Variants in ATP2A2 observed in about 807,000 individuals in gnomAD.
ATP2A2 encodes ATPase sarcoplasmic/endoplasmic reticulum Ca2+ transporting 2.
A neutral mutation model predicts 109.3 loss-of-function variants in ATP2A2; 14 were observed. That is an observed-to-expected ratio of 0.13 (90% CI 0.08 to 0.20). ATP2A2 has a LOEUF of 0.20. Ranked by LOEUF, ATP2A2 falls within the 10% of genes least tolerant of loss-of-function variation. The pLI is 1.00. For missense variants in ATP2A2, 657 were observed against 1,321.6 expected (o/e 0.50, Z 7.80); for synonymous variants, 506 against 490.9 (o/e 1.03, Z -0.41).
chr12:110,306,584 A>T (rs972964308), intron 5 of ATP2A2, among the ~76,000 whole-genome samples: 1 of 152,042 alleles, frequency 6.6e-6, no homozygotes, highest in African/African-American at 2.4e-5. Context: ...CTCAGTGTTT[A>T]GCTCCTACTT....
At chr12:110,326,138 G>A (rs946554246) in intron 6 of ATP2A2, 7 of 531,298 alleles carry the variant, frequency 1.3e-5, no homozygotes, top group Non-Finnish European at 2.4e-5. Flanking sequence ...TAATCAATGG[G>A]GATTCTACTT....
intron 5 of ATP2A2, among the ~76,000 whole-genome samples, chr12:110,314,723 A>T (rs141446161): frequency 6.6e-6 from 1 of 152,324 alleles, no homozygotes; most frequent in East Asian, 1.9e-4. Flanking sequence ...TGGTCTAGAA[A>T]TAATAGTCTC....
chr12:110,348,218 T>TC lies in ATP2A2; in HGVS notation c.*1749dup, dbSNP rs1279710641. On this transcript the variant is annotated 3_prime_UTR_variant, in exon 20 of 20. Coordinates refer to ENST00000539276, the MANE Select transcript of ATP2A2 (RefSeq NM_170665.4). ...AAAGCAAGTAACTGAACCAGTGAAC[T>TC]CTGGGTATCGATAGGTTCGTCTTAA... The TC allele has an allele frequency of 1.0e-6, 1 of 985,268 alleles. No homozygotes were observed. The highest frequency in any genetic ancestry group is 1.2e-6 in the Non-Finnish European group (1 of 829,950). 61.0% of individuals were successfully genotyped at this position (985,268 alleles called of 1,614,324 possible). A position where few individuals can be genotyped will look rare whatever the true frequency, so the allele number is the denominator to read the frequency against.
rs957059328 is a variant in ATP2A2 at position 110,308,874 on chromosome 12, A to G, written c.463+12137A>G. On this transcript the variant is annotated intron_variant, in intron 5 of 19. Transcript: ENST00000539276. ...GAAATTGGATGTGAAGGGGTTTTTC[A>G]GATGTGTTGGAAAACTGGAGAGTGT... 7.9e-5 allele frequency among the ~76,000 whole-genome samples: 12 copies of G among 152,180 alleles called. No homozygotes were observed. In the South Asian group the frequency reaches 8.3e-4, roughly 11 times the overall value.
Position 110,347,762 on chromosome 12 carries a change from T to C in ATP2A2, c.*1292T>C. 9.4e-7 allele frequency: 1 copy of C among 1,064,952 alleles called. No individual in the cohort carries two copies. Among genetic ancestry groups the C allele is most frequent in the Non-Finnish European group, 1.1e-6 (1 of 876,400 alleles). The allele number at this position is 1,064,952 out of a possible 1,614,324, so 66.0% of individuals were successfully genotyped here. ...AACAGTCCTAACTGTGGTGTTTTCC[T>C]CCAATGCCTTCCAACATCCATCAAC... On this transcript the variant is annotated 3_prime_UTR_variant, in exon 20 of 20. Transcript: ENST00000539276.
At chr12:110,318,554 A>G (rs1280470993) in intron 5 of ATP2A2, among the ~76,000 whole-genome samples, 4 of 151,876 alleles carry the variant, frequency 2.6e-5, no homozygotes, top group Non-Finnish European at 5.9e-5. Flanking sequence ...GCTCACTGCA[A>G]CCTCCGCCTC....
intron 6 of ATP2A2, among the ~76,000 whole-genome samples, chr12:110,324,568 T>TGC (rs1470379217): frequency 3.9e-5 from 6 of 152,166 alleles, no homozygotes; most frequent in African/African-American, 1.4e-4. Context: ...ATTATAGGCG[T>TGC]GCGCCACCAT....
chr12:110,345,409 G>A (rs1879748477), intron 18 of ATP2A2, 27 bp downstream of exon 18: 4 of 1,614,052 alleles, frequency 2.5e-6, no homozygotes, highest in Non-Finnish European at 3.4e-6. Context: ...GGCAGGCTGA[G>A]GCGAGCATGG....
intron 5 of ATP2A2, among the ~76,000 whole-genome samples, chr12:110,301,077 G>A (rs1874582221): frequency 6.6e-6 from 1 of 151,906 alleles, no homozygotes; most frequent in Non-Finnish European, 1.5e-5. Flanking sequence ...ATGTTGCCTA[G>A]GCTGGTCTCA....
At chr12:110,281,142 G>A (rs1872022395), upstream of ATP2A2, 1 of 149,690 alleles carries the variant, frequency 6.7e-6, no homozygotes, top group Non-Finnish European at 1.5e-5. Flanking sequence ...CCGGGAGGAG[G>A]GGGCGGGGCC....
chr12:110,327,066 C>T lies in ATP2A2; in HGVS notation c.631-487C>T, dbSNP rs1160667019. On this transcript the variant is annotated intron_variant, in intron 7 of 19. Transcript: ENST00000539276. The surrounding 1 kb of genome is among the most constrained non-coding windows in gnomAD (Gnocchi z 4.4). Reference sequence around the variant, plus strand: ...GAAAATAGTGAAGCCATGTCCTTCTCTTATAACACTAGGAATTAAAGTGGC... The same window carrying T: ...GAAAATAGTGAAGCCATGTCCTTCTTTTATAACACTAGGAATTAAAGTGGC... Among the ~76,000 whole-genome samples, 4 of 152,180 alleles carry T rather than the reference C, an allele frequency of 2.6e-5. No homozygotes were observed. Among genetic ancestry groups the T allele is most frequent in the Non-Finnish European group, 5.9e-5 (4 of 68,020 alleles).
intron 11 of ATP2A2, among the ~76,000 whole-genome samples, chr12:110,336,121 T>TA (rs1878821032): frequency 6.6e-6 from 1 of 152,234 alleles, no homozygotes. Context: ...CTGCTGAACA[T>TA]ACCTCTTTTT....
chr12:110,319,223 G>GAAAAAAAAAAAAAA (rs59623372), intron 5 of ATP2A2, among the ~76,000 whole-genome samples: 592 of 63,402 alleles, frequency 9.3e-3, no homozygotes, highest in Non-Finnish European at 0.01. Context: ...AATAAAAAAT[G>GAAAAAAAAAAAAAA]AAAAAAAAAA....
chr12:110,325,217 C>G (rs989211240), intron 6 of ATP2A2, among the ~76,000 whole-genome samples: 5 of 152,142 alleles, frequency 3.3e-5, no homozygotes, highest in African/African-American at 1.2e-4. Context: ...TTTTGGCTAA[C>G]TTGTGGAACC....
At chr12:110,290,040 A>G (rs1873097145) in intron 3 of ATP2A2, among the ~76,000 whole-genome samples, 1 of 152,218 alleles carries the variant, frequency 6.6e-6, no homozygotes, top group Non-Finnish European at 1.5e-5. Context: ...TTCTGTGACC[A>G]GTTACATTTT....
intron 4 of ATP2A2, among the ~76,000 whole-genome samples, chr12:110,293,864 G>GTGTGTGTA (rs1262234570): frequency 1.9e-4 from 16 of 84,862 alleles, no homozygotes; most frequent in African/African-American, 9.6e-4. Flanking sequence ...GTGTGTGTGT[G>GTGTGTGTA]TATATATTTT....
chr12:110,341,131 G>T, intron 14 of ATP2A2, 137 bp downstream of exon 14: 1 of 980,116 alleles, frequency 1.0e-6, no homozygotes, highest in Non-Finnish European at 1.5e-6. Context: ...TCTAGAATTC[G>T]GTGAATCAGT....
chr12:110,291,203 C>T (rs562188327), intron 3 of ATP2A2, among the ~76,000 whole-genome samples: 91 of 148,716 alleles, frequency 6.1e-4, no homozygotes, highest in Non-Finnish European at 1.2e-3. Context: ...CCATCGCACC[C>T]GGCTTTTTTT....
At chr12:110,343,509 TA>T (rs1879556851) in intron 16 of ATP2A2, 75 bp downstream of exon 16, 1 of 1,541,182 alleles carries the variant, frequency 6.5e-7, no homozygotes, top group East Asian at 2.3e-5. Flanking sequence ...ATTCATCCCT[TA>T]AAAGCGTGTT....
Sources: gnomAD v4.1 joint callset for allele counts (sites outside exome capture counted in the v4.1 genomes callset) on GRCh38, gnomAD v4.1.1 for gene constraint, Gnocchi (gnomAD v3.1) non-coding constraint, MANE v1.5 for transcripts, NCBI Gene and HGNC (gene_info 2026-07-23, HGNC 2026-07-21) for gene names.